The following TTLL9 variants were observed in gnomAD, a reference collection of about 807,000 sequenced individuals.
The protein encoded by TTLL9 is tubulin tyrosine ligase like 9.
TTLL9 carries 47 observed loss-of-function variants against 65.6 expected under a neutral mutation model. The observed-to-expected ratio is 0.72, with a 90% CI of 0.57 to 0.91. The LOEUF (loss-of-function observed/expected upper bound fraction) is 0.91, where lower values mean the gene tolerates loss of function less well. Ranked by LOEUF, TTLL9 falls within the 40% of genes least tolerant of loss-of-function variation. The pLI is 0.00. For synonymous variants in TTLL9, 179 were observed against 204.8 expected, an observed-to-expected ratio of 0.87 and a Z score of 1.07; for missense variants, 537 against 568.8, an observed-to-expected ratio of 0.94 and a Z score of 0.57.
chr20:31,923,230 C>T (rs1395378315), intron 8 of TTLL9, among the ~76,000 whole-genome samples, 177 bp downstream of exon 8: 1 of 152,230 alleles, frequency 6.6e-6, no homozygotes, highest in Non-Finnish European at 1.5e-5. Flanking sequence ...ACAGTTCCCT[C>T]TGCCCGGCAT....
At chr20:31,925,101 G>T (rs372752435) in intron 9 of TTLL9, 52 bp downstream of exon 9, 1 of 1,603,176 alleles carries the variant, frequency 6.2e-7, no homozygotes, top group Non-Finnish European at 8.5e-7. Flanking sequence ...AGGGTGGCTG[G>T]GCTAGGGAGA....
At chr20:31,890,546 G>A (rs1303137969) in intron 3 of TTLL9, among the ~76,000 whole-genome samples, 1 of 152,216 alleles carries the variant, frequency 6.6e-6, no homozygotes, top group Non-Finnish European at 1.5e-5. Flanking sequence ...CCTGAGGGAA[G>A]GATGTGAGAG....
intron 3 of TTLL9, among the ~76,000 whole-genome samples, chr20:31,888,125 C>T (rs577895679): frequency 2.0e-5 from 3 of 152,272 alleles, no homozygotes; most frequent in Non-Finnish European, 2.9e-5. Flanking sequence ...CTCAGGTGAT[C>T]TGCCTGCCTC....
chr20:31,879,728 TG>T, intron 2 of TTLL9: 1 of 1,296,338 alleles, frequency 7.7e-7, no homozygotes, highest in Non-Finnish European at 1.1e-6. Context: ...GAGGTTCTGG[TG>T]GACCAGAGCC....
At position 31,884,789 on chromosome 20, in the gene TTLL9, A is replaced by G. The variant is rs544684344; in HGVS notation, c.70-2407A>G. Among the ~76,000 whole-genome samples the G allele has an allele frequency of 1.3e-3, 198 of 152,338 alleles. 1 individual carries two copies. The highest frequency in any genetic ancestry group is 4.5e-3 in the African/African-American group (188 of 41,568). ...CATTGGGCCTGCCCAAAAAATACAA[A>G]ATAATCTTTCTATTTTAAGGTTCTT... is the stretch of plus-strand genomic sequence containing the variant. On this transcript the variant is annotated intron_variant, in intron 2 of 14. Coordinates refer to ENST00000535842, the MANE Select transcript of TTLL9 (RefSeq NM_001008409.5).
At position 31,887,232 on chromosome 20, in the gene TTLL9, A is replaced by G. The variant is rs977032718; in HGVS notation, c.106A>G (p.Lys36Glu). 2 of 1,614,196 alleles carry G rather than the reference A, an allele frequency of 1.2e-6. No homozygotes were observed. Among genetic ancestry groups the G allele is most frequent in the Admixed American group, 3.3e-5 (2 of 60,024 alleles). ...CAAGGGCCATGGATTGTCAAAGGGAAAAGAGCGGTGAGTGGTCCCATCCAA... is the reference window on the plus strand; with the variant it reads ...CAAGGGCCATGGATTGTCAAAGGGAGAAGAGCGGTGAGTGGTCCCATCCAA... ...NYKGHGLSKG[K>E]EREQRASIRF... is the part of the protein sequence containing the mutation. Residue 36 changes from lysine (K) to glutamate (E), a missense_variant, in exon 3 of 15, where the codon AAA becomes GAA. Lys to Glu is a moderately conservative substitution (Grantham distance 56). This residue lies in a region of TTLL9 where 320 missense variants were observed against 311.0 expected (regional missense o/e 1.03). Transcript: ENST00000535842.
Position 31,943,098 on chromosome 20 carries a change from C to A in TTLL9, c.*77C>A. ...CCCCCACTCCCAGATCCCAGCACAG[C>A]ACCTCACAGCATTCGCCTCCCCACC... On this transcript the variant is annotated 3_prime_UTR_variant, in exon 15 of 15. Transcript: ENST00000535842. 2 of 1,354,678 alleles carry A rather than the reference C, an allele frequency of 1.5e-6. No individual in the cohort carries two copies. The highest frequency in any genetic ancestry group is 2.1e-6 in the Non-Finnish European group (2 of 950,086). 83.9% of individuals were successfully genotyped at this position (1,354,678 alleles called of 1,614,324 possible).
At chr20:31,876,244 C>A (rs1029357417) in intron 2 of TTLL9, among the ~76,000 whole-genome samples, 1 of 152,044 alleles carries the variant, frequency 6.6e-6, no homozygotes, top group South Asian at 2.1e-4. Flanking sequence ...GTCAGGAGTT[C>A]GAGACCAGCC....
intron 3 of TTLL9, among the ~76,000 whole-genome samples, chr20:31,892,245 T>C (rs2063317708): frequency 6.6e-6 from 1 of 151,860 alleles, no homozygotes. Context: ...ACTGGTGTGA[T>C]CTCAGCTCAC....
rs559213135 is a variant in TTLL9 at position 31,914,709 on chromosome 20, G to A, written c.504+4787G>A. ...AGGAAGGTTGGAAGTTTCTATTGCT[G>A]AGCAGCCTTTGAAAGTTCATCAAGG... is the stretch of plus-strand genomic sequence containing the variant. On this transcript the variant is annotated intron_variant, in intron 6 of 14. Transcript: ENST00000535842. Among the ~76,000 whole-genome samples the A allele has an allele frequency of 3.9e-5, 6 of 152,302 alleles. No homozygotes were observed. In the East Asian group the frequency reaches 9.7e-4, roughly 25 times the overall value.
At chr20:31,897,338 G>A (rs1319857831) in intron 3 of TTLL9, among the ~76,000 whole-genome samples, 1 of 150,962 alleles carries the variant, frequency 6.6e-6, no homozygotes, top group African/African-American at 2.4e-5. Flanking sequence ...TTTCCTTATT[G>A]TGGCTGTGAT....
At chr20:31,916,700 T>G (rs933303219) in intron 6 of TTLL9, among the ~76,000 whole-genome samples, 1 of 152,238 alleles carries the variant, frequency 6.6e-6, no homozygotes, top group Non-Finnish European at 1.5e-5. Context: ...ACCTCATGGA[T>G]GTGACATGGC....
intron 2 of TTLL9, among the ~76,000 whole-genome samples, chr20:31,884,617 G>C (rs1039577189): frequency 6.6e-6 from 1 of 152,184 alleles, no homozygotes; most frequent in African/African-American, 2.4e-5. Flanking sequence ...ATATCTGGAG[G>C]CTCTAGGAGA....
chr20:31,871,202 GT>G lies in TTLL9; in HGVS notation c.69+9del. 6.2e-7 allele frequency: 1 copy of G among 1,613,986 alleles called. No homozygotes were observed. The highest frequency in any genetic ancestry group is 8.5e-7 in the Non-Finnish European group (1 of 1,179,866). On this transcript the variant is annotated splice_region_variant and intron_variant, in intron 2 of 14. Coordinates refer to ENST00000535842, the MANE Select transcript of TTLL9 (RefSeq NM_001008409.5). ...GTGCCCCAAGAAATTACAGGTGAAT[GT>G]TGGGAGAGGGGTTTGAGGGAGGGTT...
Position 31,943,570 on chromosome 20 carries a change from G to A in TTLL9, c.*549G>A, listed in dbSNP as rs905827332. 2 of 353,026 alleles carry A rather than the reference G, an allele frequency of 5.7e-6. No homozygotes were observed. The highest frequency in any genetic ancestry group is 1.1e-5 in the Non-Finnish European group (2 of 178,418). 21.9% of individuals were successfully genotyped at this position (353,026 alleles called of 1,614,324 possible). A position where few individuals can be genotyped will look rare whatever the true frequency, so the allele number is the denominator to read the frequency against. On this transcript the variant is annotated 3_prime_UTR_variant, in exon 15 of 15. Transcript: ENST00000535842. The stretch of plus-strand genomic sequence containing the variant: ...TTTATTGGGGGCCTGGGGAAGTACT[G>A]AGCCCTAAACACATCCTCTTCTCCT...
At chr20:31,931,829 G>A (rs996698775) in intron 10 of TTLL9, among the ~76,000 whole-genome samples, 4 of 152,160 alleles carry the variant, frequency 2.6e-5, no homozygotes, top group Non-Finnish European at 4.4e-5. Context: ...TTCTCATTCT[G>A]TGGGTTTTCT....
In TTLL9 at chr20:31,903,934, C is replaced by G. The variant is rs116508467; in HGVS notation, c.207-4657C>G. Among the ~76,000 whole-genome samples, 623 of 152,336 alleles carry G rather than the reference C, an allele frequency of 4.1e-3. 6 individuals are homozygous for G. Among genetic ancestry groups the G allele is most frequent in the African/African-American group, 0.014 (589 of 41,586 alleles). On this transcript the variant is annotated intron_variant, in intron 4 of 14. Coordinates refer to ENST00000535842, the MANE Select transcript of TTLL9 (RefSeq NM_001008409.5). Reference sequence around the variant, plus strand: ...CTGTTCCAGAATCCAATCCAGGATCCCACTTTGCATTTAGTTGACCTTTTT... The same window carrying G: ...CTGTTCCAGAATCCAATCCAGGATCGCACTTTGCATTTAGTTGACCTTTTT...
At chr20:31,914,985 T>G (rs374611941) in intron 6 of TTLL9, among the ~76,000 whole-genome samples, 49 of 152,364 alleles carry the variant, frequency 3.2e-4, no homozygotes, top group African/African-American at 1.2e-3. Context: ...TAGAAATATG[T>G]GCGCTTTTCA....
At position 31,870,682 on chromosome 20, in the gene TTLL9, G is replaced by T; in HGVS notation, c.-273G>T. On this transcript the variant is annotated 5_prime_UTR_variant, in exon 1 of 15. Coordinates refer to ENST00000535842, the MANE Select transcript of TTLL9 (RefSeq NM_001008409.5). The surrounding 1 kb of genome is among the most constrained non-coding windows in gnomAD (Gnocchi z 6.6). ...GGGACAACGGCAGTTTGTTGGGGCC[G>T]CGTGGGGCCGCCACCTCCGGAGGTG... is the stretch of plus-strand genomic sequence containing the variant. 1 of 1,025,206 alleles carries T rather than the reference G, an allele frequency of 9.8e-7. No homozygotes were observed. Among genetic ancestry groups the T allele is most frequent in the Non-Finnish European group, 1.3e-6 (1 of 784,050 alleles). The allele number at this position is 1,025,206 out of a possible 1,614,324, so 63.5% of individuals were successfully genotyped here. A position where few individuals can be genotyped will look rare whatever the true frequency, so the allele number is the denominator to read the frequency against.
Sources: allele counts gnomAD v4.1 joint callset (sites outside exome capture counted in the v4.1 genomes callset), GRCh38; gene constraint gnomAD v4.1.1; regional missense constraint gnomAD v4.1.1; non-coding constraint Gnocchi (gnomAD v3.1); transcripts MANE v1.5; gene names NCBI Gene and HGNC (gene_info 2026-07-23, HGNC 2026-07-21).